The following CELF5 variants were observed in gnomAD, a reference collection of about 807,000 sequenced individuals.
The protein encoded by CELF5 is CUGBP Elav-like family member 5.
In CELF5, 6 loss-of-function variants were observed where a neutral mutation model predicts 54.9. The observed-to-expected ratio is 0.11, with a 90% CI of 0.06 to 0.22. The LOEUF is 0.22. Among genes scored for constraint, CELF5 ranks in the 10% least tolerant of loss-of-function variants. The pLI, the probability that CELF5 is intolerant of heterozygous loss-of-function variation, is 1.00. For synonymous variants in CELF5, 271 were observed against 290.9 expected (o/e 0.93, Z 0.70); for missense variants, 401 against 678.6 (o/e 0.59, Z 4.54).
At chr19:3,287,034 CA>C (rs55661552) in intron 10 of CELF5, among the ~76,000 whole-genome samples, 67 of 103,532 alleles carry the variant, frequency 6.5e-4, no homozygotes, top group East Asian at 2.6e-3. Context: ...GACTCCGTCT[CA>C]AAAAAAAAAA....
At chr19:3,233,846 G>A (rs1331298209) in intron 1 of CELF5, among the ~76,000 whole-genome samples, 1 of 152,196 alleles carries the variant, frequency 6.6e-6, no homozygotes, top group Non-Finnish European at 1.5e-5. Flanking sequence ...GTGGATTCTG[G>A]GTCCTCCATT....
At chr19:3,258,315 T>A (rs779898000) in intron 2 of CELF5, among the ~76,000 whole-genome samples, 22 of 151,754 alleles carry the variant, frequency 1.4e-4, no homozygotes, top group Admixed American at 9.2e-4. Flanking sequence ...GAGACAGTGG[T>A]TTTCCTATGT....
intron 10 of CELF5, chr19:3,286,665 A>C (rs1418628551): frequency 6.8e-6 from 1 of 146,968 alleles, no homozygotes; most frequent in Non-Finnish European, 1.5e-5. Flanking sequence ...CCAGGAGGTC[A>C]AGGCTTCAGT....
intron 1 of CELF5, among the ~76,000 whole-genome samples, chr19:3,241,596 G>A (rs1025410407): frequency 9.2e-5 from 14 of 151,974 alleles, no homozygotes; most frequent in South Asian, 4.2e-4. Flanking sequence ...GCTGGGACAC[G>A]GTGAGAGGCT....
chr19:3,287,060 AAAAG>A (rs199873314), intron 10 of CELF5, among the ~76,000 whole-genome samples: 9 of 124,738 alleles, frequency 7.2e-5, no homozygotes, highest in Non-Finnish European at 1.2e-4. Context: ...AAAAGAAAAG[AAAAG>A]AAAAAAATCC....
chr19:3,293,324 G>A lies in CELF5; in HGVS notation c.1336G>A (p.Val446Met). Residue 446 changes from valine to methionine, a missense_variant, in exon 12 of 13, where the codon GTG (valine) becomes ATG (methionine). By Grantham distance (21) the Val-to-Met change is conservative (BLOSUM62 1). Transcript: ENST00000292672. ...GTCCACCCTGGTTTCTGCAGGCTTC[G>A]TGAGCTTTGATAACCCGGCCAGCGC... The part of the protein sequence containing the change: ...ATNQSKCFGF[V>M]SFDNPASAQA... The A allele has an allele frequency of 1.9e-6, 3 of 1,614,078 alleles. No homozygotes were observed. Among genetic ancestry groups the A allele is most frequent in the Non-Finnish European group, 1.7e-6 (2 of 1,179,946 alleles).
chr19:3,261,219 A>G lies in CELF5; in HGVS notation c.342+10152A>G, dbSNP rs2079803519. Among the ~76,000 whole-genome samples, 3 of 152,080 alleles carry G rather than the reference A, an allele frequency of 2.0e-5. No homozygotes were observed. The South Asian group carries it at 6.2e-4, about 32-fold the overall frequency. On this transcript the variant is annotated intron_variant, in intron 2 of 12. Coordinates refer to ENST00000292672, the MANE Select transcript of CELF5 (RefSeq NM_021938.4). The stretch of plus-strand genomic sequence containing the variant: ...GGGATCATGAGGTCAGGAGTTCAAG[A>G]CCAGTCTGGCCAACATAATGAAACC...
chr19:3,239,391 G>A (rs2079459433), intron 1 of CELF5, among the ~76,000 whole-genome samples: 1 of 151,950 alleles, frequency 6.6e-6, no homozygotes, highest in Non-Finnish European at 1.5e-5. Context: ...GTGCCACCAT[G>A]CCCGGCTAAT....
At chr19:3,290,157 A>G in intron 10 of CELF5, 74 bp from the exon 11 acceptor site, 1 of 1,200,872 alleles carries the variant, frequency 8.3e-7, no homozygotes, top group Non-Finnish European at 1.2e-6. Flanking sequence ...CGGGCTCCAG[A>G]CCTGTGCCCC....
At chr19:3,257,331 G>A (rs2079741857) in intron 2 of CELF5, among the ~76,000 whole-genome samples, 2 of 152,162 alleles carry the variant, frequency 1.3e-5, no homozygotes, top group Non-Finnish European at 2.9e-5. Context: ...GAGAGTAGGT[G>A]GAGGAGAGGG....
intron 11 of CELF5, among the ~76,000 whole-genome samples, chr19:3,292,414 G>T (rs1239500621): frequency 6.6e-6 from 1 of 151,432 alleles, no homozygotes; most frequent in Non-Finnish European, 1.5e-5. Context: ...CTCCTGAGTA[G>T]CTGGGATTAC....
At chr19:3,279,378 C>G (rs377142415) in intron 5 of CELF5, among the ~76,000 whole-genome samples, 27 of 152,196 alleles carry the variant, frequency 1.8e-4, no homozygotes, top group African/African-American at 6.5e-4. Context: ...TCCGAATCTG[C>G]TACAAGGAAG....
intron 1 of CELF5, among the ~76,000 whole-genome samples, chr19:3,241,089 G>A (rs1289635988): frequency 6.7e-6 from 1 of 149,016 alleles, no homozygotes; most frequent in Admixed American, 6.7e-5. Context: ...TTGAGGCGGA[G>A]TCTTGCTCTG....
At chr19:3,287,034 C>CAAAAAAAAAA (rs55661552) in intron 10 of CELF5, among the ~76,000 whole-genome samples, 7 of 103,456 alleles carry the variant, frequency 6.8e-5, no homozygotes, top group South Asian at 3.2e-4. Flanking sequence ...GACTCCGTCT[C>CAAAAAAAAAA]AAAAAAAAAA....
chr19:3,226,477 A>ACACACACACAC (rs1372914642), intron 1 of CELF5, among the ~76,000 whole-genome samples: 1 of 20,466 alleles, frequency 4.9e-5, no homozygotes, highest in Non-Finnish European at 1.2e-4. Context: ...CACACACACA[A>ACACACACACAC]AATTGGGCCT....
rs2079916825 is a variant in CELF5 at position 3,268,720 on chromosome 19, C to T, written c.343-5152C>T. Among the ~76,000 whole-genome samples, 1 of 152,098 alleles carries T rather than the reference C, an allele frequency of 6.6e-6. No homozygotes were observed. The highest frequency in any genetic ancestry group is 1.5e-5 in the Non-Finnish European group (1 of 68,022). On this transcript the variant is annotated intron_variant, in intron 2 of 12. Coordinates refer to ENST00000292672, the MANE Select transcript of CELF5 (RefSeq NM_021938.4). The surrounding 1 kb of genome is among the most constrained non-coding windows in gnomAD (Gnocchi z 4.4). ...GTGCCCCTGCCTCCCACCGGAGCTA[C>T]CCCAAGTGAGGGGCAGTGTGTGTGT...
chr19:3,235,305 C>T (rs1439495090), intron 1 of CELF5, among the ~76,000 whole-genome samples: 2 of 151,270 alleles, frequency 1.3e-5, no homozygotes, highest in Non-Finnish European at 2.9e-5. Context: ...TTCCTTTTTC[C>T]TCCTTTCCTT....
rs764954784 is a variant in CELF5 at position 3,251,019 on chromosome 19, C to T, written c.294C>T (p.Ser98=). 1.9e-5 allele frequency: 31 copies of T among 1,613,820 alleles called. No individual in the cohort carries two copies. The highest frequency in any genetic ancestry group is 1.3e-4 in the East Asian group (6 of 44,886). Residue 98 remains serine, a synonymous_variant, in exon 2 of 13, where the codon TCC becomes TCT. Transcript: ENST00000292672. ...TCCTCACCTACTGTGCCAGGGATTC[C>T]GCCATCAAAGCTCAGACTGCCCTGC... ...CAFLTYCARD[S]AIKAQTALHE...
intron 12 of CELF5, chr19:3,294,468 C>T (rs2080402663): frequency 6.6e-6 from 1 of 151,914 alleles, no homozygotes. Context: ...GGGCCTGGCA[C>T]AGAGTAGACG....
Sources: gnomAD v4.1 joint callset for allele counts (sites outside exome capture counted in the v4.1 genomes callset) on GRCh38, gnomAD v4.1.1 for gene constraint, Gnocchi (gnomAD v3.1) non-coding constraint, MANE v1.5 for transcripts, NCBI Gene and HGNC (gene_info 2026-07-23, HGNC 2026-07-21) for gene names.